Variants in SATB2 observed in about 807,000 individuals in gnomAD.
The protein encoded by SATB2 is DNA-binding protein SATB2.
SATB2 carries 1 observed loss-of-function variant against 73.4 expected under a neutral mutation model. The observed-to-expected ratio is 0.01, with a 90% CI of 0.00 to 0.06. The LOEUF is 0.06. Ranked by LOEUF, SATB2 falls within the 10% of genes least tolerant of loss-of-function variation. The pLI is 1.00. For missense variants in SATB2, 459 were observed against 945.8 expected (o/e 0.49, Z 6.75); for synonymous variants, 397 against 367.0 (o/e 1.08, Z -0.93).
chr2:199,460,747 T>G (rs961663982), upstream of SATB2, among the ~76,000 whole-genome samples: 3 of 152,236 alleles, frequency 2.0e-5, no homozygotes, highest in Non-Finnish European at 2.9e-5. The surrounding 1 kb of genome is among the most constrained non-coding windows in gnomAD (Gnocchi z 4.0). Context: ...TTGCAGGACT[T>G]CAGTTACACT....
In SATB2 at chr2:199,324,088, C is replaced by T. The variant is rs952800205; in HGVS notation, c.1387-130G>A. On this transcript the variant is annotated intron_variant, in intron 8 of 10. Coordinates refer to ENST00000417098, the MANE Select transcript of SATB2 (RefSeq NM_001172509.2). The stretch of plus-strand genomic sequence containing the variant: ...TTAGCTACAGAGGGACACTTCCTGT[C>T]CATTATTCTAATCAGGTTAATTGTG... The T allele has an allele frequency of 2.6e-5, 24 of 912,522 alleles. No individual in the cohort carries two copies. In the African/African-American group the frequency reaches 3.9e-4, roughly 15 times the overall value. The allele number at this position is 912,522 out of a possible 1,614,324, so 56.5% of individuals were successfully genotyped here.
rs191553933 is a variant in SATB2, at chr2:199,361,365, G to C, written c.700+7240C>G. The stretch of plus-strand genomic sequence containing the variant: ...CAAGTCTCATGGCTCTCCTCTGCTT[G>C]AACCTCTTGCATTGGTGGCTTCCTG... On this transcript the variant is annotated intron_variant, in intron 6 of 10. Transcript: ENST00000417098. Among the ~76,000 whole-genome samples, 242 of 151,898 alleles carry C rather than the reference G, an allele frequency of 1.6e-3. 1 individual carries two copies. The highest frequency in any genetic ancestry group is 5.7e-3 in the African/African-American group (237 of 41,424).
intron 2 of SATB2, among the ~76,000 whole-genome samples, chr2:199,438,471 C>T (rs1001818640): frequency 1.3e-5 from 2 of 152,212 alleles, no homozygotes; most frequent in Admixed American, 1.3e-4. Flanking sequence ...ACCTTCTCTG[C>T]AATTGCAGGC....
At position 199,301,333 on chromosome 2, in the gene SATB2, C is replaced by T. The variant is rs137904928; in HGVS notation, c.1740+7427G>A. Among the ~76,000 whole-genome samples, 4 of 152,230 alleles carry T rather than the reference C, an allele frequency of 2.6e-5. No individual in the cohort carries two copies. In the East Asian group the frequency reaches 7.7e-4, roughly 29 times the overall value. On this transcript the variant is annotated intron_variant, in intron 10 of 10. Transcript: ENST00000417098. Reference sequence around the variant, plus strand: ...AAAGGTTTGTTCTAGACTTGTTAATCATACCTGTATTCTTCTACCCTGGTA... The same window carrying T: ...AAAGGTTTGTTCTAGACTTGTTAATTATACCTGTATTCTTCTACCCTGGTA...
intron 10 of SATB2, among the ~76,000 whole-genome samples, chr2:199,278,033 G>A (rs575081180): frequency 6.6e-6 from 1 of 152,266 alleles, no homozygotes; most frequent in South Asian, 2.1e-4. Context: ...TAGAGTAGAG[G>A]AGATAGATCG....
chr2:199,304,786 G>A (rs1324940557), intron 10 of SATB2, among the ~76,000 whole-genome samples: 1 of 152,088 alleles, frequency 6.6e-6, no homozygotes, highest in Non-Finnish European at 1.5e-5. Context: ...GAGAAACCTG[G>A]ATAAACCAGA....
At chr2:199,297,435 G>A (rs183764836) in intron 10 of SATB2, among the ~76,000 whole-genome samples, 1 of 152,240 alleles carries the variant, frequency 6.6e-6, no homozygotes, top group East Asian at 1.9e-4. Flanking sequence ...GTGAAAATAG[G>A]CCATTAGTAT....
chr2:199,363,837 T>C (rs1007516724), intron 6 of SATB2, among the ~76,000 whole-genome samples: 2 of 152,182 alleles, frequency 1.3e-5, no homozygotes, highest in Non-Finnish European at 1.5e-5. Context: ...TTCAACAAGA[T>C]ACAACATAGG....
chr2:199,423,306 C>A (rs1691228345), intron 3 of SATB2, among the ~76,000 whole-genome samples: 1 of 152,054 alleles, frequency 6.6e-6, no homozygotes, highest in South Asian at 2.1e-4. Flanking sequence ...AGAACAACAT[C>A]TAACACATAA....
chr2:199,399,084 A>T (rs1480184341), intron 3 of SATB2, among the ~76,000 whole-genome samples: 1 of 152,114 alleles, frequency 6.6e-6, no homozygotes, highest in Admixed American at 6.5e-5. Context: ...CAGCCTGAGC[A>T]ACATGACAAA....
intron 10 of SATB2, among the ~76,000 whole-genome samples, chr2:199,295,829 G>A (rs1329188922): frequency 6.6e-6 from 1 of 152,268 alleles, no homozygotes; most frequent in East Asian, 1.9e-4. Context: ...AATTGAACTT[G>A]TGACCTTAGA....
chr2:199,333,454 T>C (rs541849376), intron 7 of SATB2, among the ~76,000 whole-genome samples: 4 of 152,014 alleles, frequency 2.6e-5, no homozygotes, highest in Non-Finnish European at 5.9e-5. Context: ...TAAATATAGA[T>C]AGTACATGGA....
At chr2:199,386,899 T>C (rs1485363060) in intron 3 of SATB2, among the ~76,000 whole-genome samples, 1 of 152,176 alleles carries the variant, frequency 6.6e-6, no homozygotes, top group African/African-American at 2.4e-5. Context: ...ACTGTCTATA[T>C]TATTGCTGAA....
chr2:199,468,397 T>C (rs994431157), upstream of SATB2: 5 of 152,156 alleles, frequency 3.3e-5, no homozygotes, highest in African/African-American at 2.4e-5. Flanking sequence ...AAATGGCTTG[T>C]AGCTCTTTCC....
intron 10 of SATB2, among the ~76,000 whole-genome samples, chr2:199,276,227 C>T (rs1043599317): frequency 6.6e-6 from 1 of 152,192 alleles, no homozygotes; most frequent in Non-Finnish European, 1.5e-5. Flanking sequence ...AAAATCCTCC[C>T]ATCTAAAGGA....
At chr2:199,430,379 A>G (rs1320900567) in intron 3 of SATB2, among the ~76,000 whole-genome samples, 2 of 152,228 alleles carry the variant, frequency 1.3e-5, no homozygotes, top group Non-Finnish European at 2.9e-5. Flanking sequence ...ACCTCAGTCC[A>G]GCTATTCTGG....
At chr2:199,379,039 T>C (rs1010603760) in intron 5 of SATB2, among the ~76,000 whole-genome samples, 1 of 152,186 alleles carries the variant, frequency 6.6e-6, no homozygotes, top group African/African-American at 2.4e-5. Flanking sequence ...TTAACAGACA[T>C]TGTCTTAAAT....
chr2:199,360,800 A>C (rs1689115288), intron 6 of SATB2, among the ~76,000 whole-genome samples: 1 of 151,942 alleles, frequency 6.6e-6, no homozygotes, highest in South Asian at 2.1e-4. Context: ...CCCCTCCCTC[A>C]GTAGATGCAT....
chr2:199,284,592 T>C (rs1407344481), intron 10 of SATB2, among the ~76,000 whole-genome samples: 1 of 152,204 alleles, frequency 6.6e-6, no homozygotes, highest in African/African-American at 2.4e-5. Context: ...AAAATCCAGT[T>C]GTCTTTCATT....
Sources: allele counts gnomAD v4.1 joint callset (sites outside exome capture counted in the v4.1 genomes callset), GRCh38; gene constraint gnomAD v4.1.1; non-coding constraint Gnocchi (gnomAD v3.1); transcripts MANE v1.5; gene names NCBI Gene and HGNC (gene_info 2026-07-23, HGNC 2026-07-21).